WWOX: variants seen among roughly 807,000 people sequenced by gnomAD.
WWOX encodes WW domain-containing oxidoreductase.
In WWOX, 69 loss-of-function variants were observed where a neutral mutation model predicts 46.2. The observed-to-expected ratio is 1.49, with a 90% CI of 1.23 to 1.82. The LOEUF (loss-of-function observed/expected upper bound fraction) is 1.82, where lower values mean the gene tolerates loss of function less well. Ranked by LOEUF, WWOX falls within the 40% of genes most tolerant of loss-of-function variation. The pLI is 0.00. For synonymous variants in WWOX, 359 were observed against 202.6 expected, an observed-to-expected ratio of 1.77 and a Z score of -6.56; for missense variants, 919 against 542.6, an observed-to-expected ratio of 1.69 and a Z score of -6.89.
chr16:79,004,734 G>C (rs2047159204), intron 8 of WWOX: 1 of 152,214 alleles, frequency 6.6e-6, no homozygotes, highest in Non-Finnish European at 1.5e-5. Context: ...GAAAATACTT[G>C]AAAGTCCAGC....
At chr16:78,862,845 C>T (rs1488339199) in intron 8 of WWOX, among the ~76,000 whole-genome samples, 1 of 152,116 alleles carries the variant, frequency 6.6e-6, no homozygotes, top group South Asian at 2.1e-4. Context: ...ACGTTAATGT[C>T]CTCCAGAAAC....
At chr16:78,514,436 C>T (rs997699059) in intron 8 of WWOX, among the ~76,000 whole-genome samples, 5 of 152,158 alleles carry the variant, frequency 3.3e-5, no homozygotes, top group Admixed American at 6.5e-5. Flanking sequence ...AGGATAGATA[C>T]ATTTTCCATG....
chr16:78,777,852 C>G (rs1472350903), intron 8 of WWOX, among the ~76,000 whole-genome samples: 3 of 151,890 alleles, frequency 2.0e-5, no homozygotes, highest in African/African-American at 7.3e-5. Context: ...CAAGAGCATC[C>G]CGGCCAGCAT....
intron 8 of WWOX, among the ~76,000 whole-genome samples, chr16:78,823,149 G>A (rs7191005): frequency 0.55 from 83,293 of 152,066 alleles, 23,117 homozygotes; most frequent in Middle Eastern, 0.63. Context: ...TTAATACTCC[G>A]GCCTTTCAGC....
intron 5 of WWOX, among the ~76,000 whole-genome samples, chr16:78,356,519 C>T (rs2081294994): frequency 6.6e-6 from 1 of 152,142 alleles, no homozygotes; most frequent in Non-Finnish European, 1.5e-5. Flanking sequence ...ATCTCCAGTG[C>T]TCTGAATGTG....
At chr16:79,060,761 T>G (rs1381009405) in intron 8 of WWOX, among the ~76,000 whole-genome samples, 1 of 152,222 alleles carries the variant, frequency 6.6e-6, no homozygotes, top group Non-Finnish European at 1.5e-5. Flanking sequence ...TATTCTCTGT[T>G]TTTTAAGACT....
chr16:79,120,156 C>A (rs1402760230), intron 8 of WWOX, among the ~76,000 whole-genome samples: 2 of 152,216 alleles, frequency 1.3e-5, no homozygotes, highest in Non-Finnish European at 2.9e-5. Flanking sequence ...AACTCAGGGA[C>A]TGGATTTTCC....
intron 8 of WWOX, among the ~76,000 whole-genome samples, chr16:78,816,116 C>A (rs992540014): frequency 1.3e-5 from 2 of 152,204 alleles, no homozygotes; most frequent in South Asian, 4.1e-4. Context: ...ATAAATACTC[C>A]CCAAAATGAA....
chr16:79,205,055 G>C (rs2051462820), intron 8 of WWOX: 1 of 152,148 alleles, frequency 6.6e-6, no homozygotes, highest in South Asian at 2.1e-4. Flanking sequence ...ATCATATTTG[G>C]GATGGCTGCA....
chr16:78,694,464 C>T (rs1251745612), intron 8 of WWOX, among the ~76,000 whole-genome samples: 1 of 152,180 alleles, frequency 6.6e-6, no homozygotes, highest in Admixed American at 6.5e-5. Context: ...CGTCAGACAC[C>T]ACGTCAGTCT....
At chr16:79,142,985 T>A (rs771106054) in intron 8 of WWOX, among the ~76,000 whole-genome samples, 30 of 152,104 alleles carry the variant, frequency 2.0e-4, no homozygotes, top group Admixed American at 4.6e-4. Context: ...ATTACAGGCG[T>A]GAGCTACCAC....
At chr16:78,126,126 A>G (rs902472980) in intron 4 of WWOX, among the ~76,000 whole-genome samples, 3 of 152,108 alleles carry the variant, frequency 2.0e-5, no homozygotes, top group East Asian at 1.9e-4. Flanking sequence ...ATAGTATTCC[A>G]TTATGTGGTT....
intron 8 of WWOX, among the ~76,000 whole-genome samples, chr16:79,134,680 G>C (rs921972869): frequency 6.6e-6 from 1 of 152,104 alleles, no homozygotes; most frequent in Admixed American, 6.6e-5. Context: ...TCTTCACAAG[G>C]ACATTCTTAT....
intron 8 of WWOX, among the ~76,000 whole-genome samples, chr16:78,471,153 G>C (rs1029248586): frequency 2.6e-5 from 4 of 152,194 alleles, no homozygotes; most frequent in Admixed American, 6.5e-5. Context: ...AAGAATGACA[G>C]AAGGTCCTCA....
intron 5 of WWOX, among the ~76,000 whole-genome samples, chr16:78,182,753 C>T (rs995020815): frequency 6.6e-6 from 1 of 151,956 alleles, no homozygotes; most frequent in East Asian, 1.9e-4. Flanking sequence ...GAGATCGAGA[C>T]CATCCTGGCT....
chr16:78,264,511 A>C (rs2079318722), intron 5 of WWOX: 1 of 152,184 alleles, frequency 6.6e-6, no homozygotes, highest in Non-Finnish European at 1.5e-5. Context: ...ACTGAGGCTA[A>C]CTGAAGCTTT....
chr16:78,856,375 G>T (rs1315017151), intron 8 of WWOX, among the ~76,000 whole-genome samples: 2 of 152,330 alleles, frequency 1.3e-5, no homozygotes, highest in East Asian at 3.9e-4. Flanking sequence ...TGGCACAGTG[G>T]CTCACGCCTG....
chr16:78,203,240 C>T (rs1047124275), intron 5 of WWOX, among the ~76,000 whole-genome samples: 1 of 152,074 alleles, frequency 6.6e-6, no homozygotes, highest in South Asian at 2.1e-4. Flanking sequence ...AATCAAGAGA[C>T]CCACCTTTGC....
chr16:79,189,318 C>T (rs930797617), intron 8 of WWOX, among the ~76,000 whole-genome samples: 1 of 151,794 alleles, frequency 6.6e-6, no homozygotes, highest in African/African-American at 2.4e-5. Context: ...AGTACAGTGT[C>T]ACCATTGTGG....
Sources: allele counts gnomAD v4.1 joint callset (sites outside exome capture counted in the v4.1 genomes callset), GRCh38; gene constraint gnomAD v4.1.1; transcripts MANE v1.5; gene names NCBI Gene and HGNC (gene_info 2026-07-23, HGNC 2026-07-21).